GRIK3: variants seen among roughly 807,000 people sequenced by gnomAD.
GRIK3 encodes the protein glutamate ionotropic receptor kainate type subunit 3.
Under a neutral mutation model 102.5 loss-of-function variants are expected in GRIK3, and 29 were observed. That is an observed-to-expected ratio of 0.28 (90% CI 0.21 to 0.39). The LOEUF is 0.39. Ranked by LOEUF, GRIK3 falls within the 10% of genes least tolerant of loss-of-function variation. The pLI is 1.00. For missense variants in GRIK3, 908 were observed against 1,252.4 expected (o/e 0.73, Z 4.15); for synonymous variants, 511 against 504.9 (o/e 1.01, Z -0.16).
chr1:37,008,351 T>C (rs1449898111), intron 1 of GRIK3, among the ~76,000 whole-genome samples: 2 of 152,178 alleles, frequency 1.3e-5, no homozygotes, highest in Non-Finnish European at 2.9e-5. Flanking sequence ...TGGGTTTGTG[T>C]GAGGACTGAA....
chr1:36,983,761 T>C lies in GRIK3; in HGVS notation c.115+50233A>G, dbSNP rs576047584. Among the ~76,000 whole-genome samples the C allele has an allele frequency of 4.6e-5, 7 of 152,184 alleles. No individual in the cohort carries two copies. The East Asian group carries it at 1.4e-3, about 29-fold the overall frequency. On this transcript the variant is annotated intron_variant, in intron 1 of 15. Transcript: ENST00000373091. ...GTTCCCCTGTTATACGGTCTTGGAG[T>C]GCCTCTAGGATTTTCTTTGATGTGA...
At chr1:37,015,981 T>C (rs1642649288) in intron 1 of GRIK3, among the ~76,000 whole-genome samples, 2 of 152,238 alleles carry the variant, frequency 1.3e-5, no homozygotes, top group South Asian at 2.1e-4. Flanking sequence ...CCACAGCAGA[T>C]TTCCTGCCCA....
At chr1:36,818,996 C>T (rs1411455250) in intron 12 of GRIK3, among the ~76,000 whole-genome samples, 1 of 152,210 alleles carries the variant, frequency 6.6e-6, no homozygotes, top group African/African-American at 2.4e-5. Context: ...TGGTGGTCCC[C>T]TCTCCCTGTG....
At chr1:37,007,396 G>A (rs954997606) in intron 1 of GRIK3, among the ~76,000 whole-genome samples, 3 of 152,202 alleles carry the variant, frequency 2.0e-5, no homozygotes, top group Non-Finnish European at 4.4e-5. Context: ...GTGCTGGAGA[G>A]TGGAAGAAGA....
intron 7 of GRIK3, among the ~76,000 whole-genome samples, chr1:36,854,257 G>A (rs185638018): frequency 1.3e-5 from 2 of 152,280 alleles, no homozygotes; most frequent in African/African-American, 2.4e-5. Flanking sequence ...TTAGCCGTGC[G>A]ACCTTGGGTA....
At chr1:36,841,665 T>C in intron 10 of GRIK3, 71 bp downstream of exon 10, 2 of 1,319,486 alleles carry the variant, frequency 1.5e-6, no homozygotes, top group Admixed American at 1.7e-5. Context: ...TGCCCAGCCC[T>C]GTGGTGCAGA....
intron 9 of GRIK3, 53 bp from the exon 10 acceptor site, chr1:36,841,992 G>T (rs1640459763): frequency 6.9e-7 from 1 of 1,449,956 alleles, no homozygotes; most frequent in Non-Finnish European, 9.7e-7. Flanking sequence ...TAGGGCGGAG[G>T]CAGGCTTGCA....
chr1:37,006,483 C>T lies in GRIK3; in HGVS notation c.115+27511G>A, dbSNP rs115108472. Among the ~76,000 whole-genome samples the T allele has an allele frequency of 3.3e-3, 501 of 152,374 alleles. 2 individuals are homozygous for T. The highest frequency in any genetic ancestry group is 4.4e-3 in the Non-Finnish European group (302 of 68,030). On this transcript the variant is annotated intron_variant, in intron 1 of 15. Transcript: ENST00000373091. ...CCAGCCAGGCTGAGCCTGATGGGCC[C>T]TTGGAGCTTTCTTTAAACACAGAGA...
chr1:37,024,828 T>G (rs1228135358), intron 1 of GRIK3, among the ~76,000 whole-genome samples: 2 of 151,694 alleles, frequency 1.3e-5, no homozygotes, highest in Non-Finnish European at 2.9e-5. Context: ...GGCTGTTAGA[T>G]CTTAGAATCC....
At chr1:36,979,148 T>C (rs1476837194) in intron 1 of GRIK3, among the ~76,000 whole-genome samples, 1 of 152,224 alleles carries the variant, frequency 6.6e-6, no homozygotes, top group Non-Finnish European at 1.5e-5. Context: ...CCTCTAGGTA[T>C]GGTATCCACC....
At chr1:36,980,484 T>C (rs931188451) in intron 1 of GRIK3, among the ~76,000 whole-genome samples, 1 of 151,786 alleles carries the variant, frequency 6.6e-6, no homozygotes, top group African/African-American at 2.4e-5. Flanking sequence ...CCTTGGCTAC[T>C]GGGATCCAGT....
chr1:36,998,679 G>T (rs1008791255), intron 1 of GRIK3, among the ~76,000 whole-genome samples: 1 of 152,156 alleles, frequency 6.6e-6, no homozygotes, highest in Non-Finnish European at 1.5e-5. Flanking sequence ...TTATAGAAGA[G>T]GAACTTCTAC....
At chr1:36,992,601 G>C (rs552511047) in intron 1 of GRIK3, among the ~76,000 whole-genome samples, 25 of 152,252 alleles carry the variant, frequency 1.6e-4, no homozygotes, top group African/African-American at 6.0e-4. Context: ...GAGGTGAAGA[G>C]GAGGAGACAT....
At chr1:36,832,609 A>G (rs1411128578) in intron 10 of GRIK3, among the ~76,000 whole-genome samples, 4 of 152,210 alleles carry the variant, frequency 2.6e-5, no homozygotes, top group Admixed American at 2.0e-4. Flanking sequence ...CTGAGCTGAC[A>G]GCAGCCTCAC....
At chr1:36,892,761 C>T (rs889813173) in intron 1 of GRIK3, among the ~76,000 whole-genome samples, 8 of 152,216 alleles carry the variant, frequency 5.3e-5, no homozygotes, top group East Asian at 3.9e-4. Context: ...AGAGGTAATT[C>T]GTACTGCCAG....
chr1:36,994,278 G>A (rs776334534), intron 1 of GRIK3, among the ~76,000 whole-genome samples: 3 of 152,130 alleles, frequency 2.0e-5, no homozygotes, highest in Admixed American at 1.3e-4. Context: ...ACACAATTGC[G>A]GTAAACTAGG....
At chr1:36,879,819 C>T (rs1033798802) in intron 3 of GRIK3, among the ~76,000 whole-genome samples, 5 of 152,198 alleles carry the variant, frequency 3.3e-5, no homozygotes, top group African/African-American at 7.2e-5. Flanking sequence ...CTCATAGCCA[C>T]GGGCCCCAGA....
chr1:36,855,438 G>A (rs764176538), intron 7 of GRIK3, among the ~76,000 whole-genome samples: 2 of 152,210 alleles, frequency 1.3e-5, no homozygotes, highest in African/African-American at 2.4e-5. Flanking sequence ...AAGCACATGG[G>A]CAGCTCCAAG....
At chr1:36,936,812 AT>A (rs3059460) in intron 1 of GRIK3, among the ~76,000 whole-genome samples, 1,606 of 149,598 alleles carry the variant, frequency 0.011, 32 homozygotes, top group African/African-American at 0.037. Flanking sequence ...CTTTAACCTC[AT>A]TTTTTTTTTT....
Sources: gnomAD v4.1 joint callset for allele counts (sites outside exome capture counted in the v4.1 genomes callset) on GRCh38, gnomAD v4.1.1 for gene constraint, MANE v1.5 for transcripts, NCBI Gene and HGNC (gene_info 2026-07-23, HGNC 2026-07-21) for gene names.